Variants in DYNC1LI2 observed in about 807,000 individuals in gnomAD.
DYNC1LI2 encodes dynein cytoplasmic 1 light intermediate chain 2.
DYNC1LI2 carries 19 observed loss-of-function variants against 57.8 expected under a neutral mutation model. The ratio of observed to expected loss-of-function variants is 0.33; its 90% confidence interval spans 0.23 to 0.48. DYNC1LI2 has a LOEUF of 0.48. DYNC1LI2 is among the 20% of genes least tolerant of loss of function. DYNC1LI2 has a pLI of 0.99. For missense variants in DYNC1LI2, 470 were observed against 604.2 expected, an observed-to-expected ratio of 0.78 and a Z score of 2.33; for synonymous variants, 256 against 233.4, an observed-to-expected ratio of 1.10 and a Z score of -0.88.
At chr16:66,738,545 C>A (rs555709600) in intron 4 of DYNC1LI2, among the ~76,000 whole-genome samples, 1 of 152,046 alleles carries the variant, frequency 6.6e-6, no homozygotes, top group African/African-American at 2.4e-5. Flanking sequence ...CCACAGCACC[C>A]GGCCTACAGC....
At chr16:66,727,398 G>T (rs2017555552) in intron 11 of DYNC1LI2, among the ~76,000 whole-genome samples, 1 of 152,108 alleles carries the variant, frequency 6.6e-6, no homozygotes, top group Non-Finnish European at 1.5e-5. Flanking sequence ...AAAAAATAAA[G>T]TTACTATTTT....
intron 11 of DYNC1LI2, among the ~76,000 whole-genome samples, chr16:66,727,200 G>A (rs1213307751): frequency 6.6e-6 from 1 of 152,122 alleles, no homozygotes; most frequent in African/African-American, 2.4e-5. Context: ...TTATAGGCAT[G>A]AGCCACTGCA....
intron 9 of DYNC1LI2, 47 bp from the exon 10 acceptor site, chr16:66,728,289 G>A (rs1490593381): frequency 3.7e-5 from 60 of 1,610,066 alleles, no homozygotes; most frequent in Non-Finnish European, 4.9e-5. Flanking sequence ...CCTGCAGAGA[G>A]CACTGAAGGT....
intron 9 of DYNC1LI2, among the ~76,000 whole-genome samples, 197 bp downstream of exon 9, chr16:66,728,843 G>A (rs1286511129): frequency 6.6e-6 from 1 of 152,214 alleles, no homozygotes; most frequent in Non-Finnish European, 1.5e-5. Flanking sequence ...TGCAAGGCAG[G>A]TAGGTGATCT....
At chr16:66,744,104 C>T (rs1269117428) in intron 3 of DYNC1LI2, among the ~76,000 whole-genome samples, 1 of 152,218 alleles carries the variant, frequency 6.6e-6, no homozygotes, top group Non-Finnish European at 1.5e-5. Flanking sequence ...GCGTCTGAGA[C>T]ACCCAGGCTG....
At position 66,749,201 on chromosome 16, in the gene DYNC1LI2, T is replaced by G; in HGVS notation, c.294A>C (p.Arg98=). 1 of 1,614,144 alleles carries G rather than the reference T, an allele frequency of 6.2e-7. No homozygotes were observed. The highest frequency in any genetic ancestry group is 1.1e-5 in the South Asian group (1 of 91,086). ...YLYLSVHDED[R]DDHTRCNVWI... ...TGGGACCAATGCTTCACTCACCATC[T>G]CGGTCCTCATCATGGACACTGAGGT... The change falls in exon 3 of 13, where the codon CGA becomes CGC. Residue 98 remains arginine, a synonymous_variant. Transcript: ENST00000258198.
intron 9 of DYNC1LI2, among the ~76,000 whole-genome samples, chr16:66,728,491 G>A (rs1235909427): frequency 6.6e-6 from 1 of 152,176 alleles, no homozygotes; most frequent in Admixed American, 6.5e-5. Context: ...GATGGAAAAA[G>A]AAGGAAACAG....
Position 66,751,265 on chromosome 16 carries a change from G to A in DYNC1LI2, c.181+8C>T, listed in dbSNP as rs1356909131. The A allele has an allele frequency of 1.2e-6, 2 of 1,610,318 alleles. No homozygotes were observed. Among genetic ancestry groups the A allele is most frequent in the Non-Finnish European group, 1.7e-6 (2 of 1,178,530 alleles). ...GACCTGGGGCAACGCCCCGCCGCCG[G>A]CGCTCACCGAAGACCAGGATGTTCT... On this transcript the variant is annotated splice_region_variant and intron_variant, in intron 2 of 12. Transcript: ENST00000258198. This position sits in a 1 kb window ranked among gnomAD's most constrained non-coding sequence, Gnocchi z 5.2.
intron 11 of DYNC1LI2, 118 bp from the exon 12 acceptor site, chr16:66,726,062 T>G: frequency 9.7e-7 from 1 of 1,028,716 alleles, no homozygotes; most frequent in Admixed American, 2.3e-5. Flanking sequence ...AGGATATTGA[T>G]AACATTCATT....
intron 4 of DYNC1LI2, among the ~76,000 whole-genome samples, chr16:66,740,228 TAA>T (rs2017812469): frequency 6.6e-6 from 1 of 152,020 alleles, no homozygotes; most frequent in Non-Finnish European, 1.5e-5. Flanking sequence ...AACCTAACCC[TAA>T]AAGAGACTGG....
intron 4 of DYNC1LI2, among the ~76,000 whole-genome samples, chr16:66,741,675 C>T (rs952025784): frequency 1.3e-5 from 2 of 152,038 alleles, no homozygotes; most frequent in African/African-American, 2.4e-5. Context: ...CCGGCCAGGA[C>T]GGCTGCTGCT....
At chr16:66,738,318 G>A (rs145503665) in intron 4 of DYNC1LI2, 32 of 138,306 alleles carry the variant, frequency 2.3e-4, no homozygotes, top group African/African-American at 8.8e-4. Flanking sequence ...GCACAATCTC[G>A]GCTCACTGCA....
chr16:66,736,722 T>C lies in DYNC1LI2; in HGVS notation c.530-478A>G, dbSNP rs576860852. 2.5e-3 allele frequency among the ~76,000 whole-genome samples: 386 copies of C among 152,262 alleles called. 1 individual carries two copies. Among genetic ancestry groups the C allele is most frequent in the Non-Finnish European group, 4.4e-3 (296 of 67,998 alleles). On this transcript the variant is annotated intron_variant, in intron 4 of 12. Coordinates refer to ENST00000258198, the MANE Select transcript of DYNC1LI2 (RefSeq NM_006141.3). ...GTGTTGCCAGGCTGGTCTCAAACTC[T>C]TGGGCTGCAGAGATCCTGCTACCTC...
At chr16:66,727,540 G>A in intron 11 of DYNC1LI2, 148 bp downstream of exon 11, 1 of 700,878 alleles carries the variant, frequency 1.4e-6, no homozygotes, top group Non-Finnish European at 2.3e-6. Context: ...TCTGGAATGG[G>A]GGAAATGGAA....
In DYNC1LI2 at chr16:66,751,312, T is replaced by G. The variant is rs777494141; in HGVS notation, c.142A>C (p.Arg48=). The G allele has an allele frequency of 1.9e-6, 3 of 1,612,208 alleles. No homozygotes were observed. The highest frequency in any genetic ancestry group is 2.5e-6 in the Non-Finnish European group (3 of 1,179,122). Residue 48 remains arginine, a synonymous_variant, in exon 2 of 13, where the codon AGG becomes CGG. Coordinates refer to ENST00000258198, the MANE Select transcript of DYNC1LI2 (RefSeq NM_006141.3). This position sits in a 1 kb window ranked among gnomAD's most constrained non-coding sequence, Gnocchi z 5.2. ...SILSEVSTRA[R]SKLPSGKNIL... ...TTCTTGCCGGACGGCAGCTTGGACC[T>G]GGCGCGGGTGGACACTTCGCTCAGA...
chr16:66,739,857 A>C (rs1045778276), intron 4 of DYNC1LI2, among the ~76,000 whole-genome samples: 3 of 152,246 alleles, frequency 2.0e-5, no homozygotes, highest in Middle Eastern at 3.2e-3. Flanking sequence ...TTGGGTATAC[A>C]CATACTGCAG....
At chr16:66,729,973 G>T (rs1422239279) in intron 8 of DYNC1LI2, 139 bp downstream of exon 8, 2 of 594,232 alleles carry the variant, frequency 3.4e-6, no homozygotes, top group African/African-American at 1.9e-5. Flanking sequence ...TGGAGATGGG[G>T]TTTTGCCATG....
At chr16:66,744,568 T>A (rs1238323240) in intron 3 of DYNC1LI2, among the ~76,000 whole-genome samples, 3 of 152,194 alleles carry the variant, frequency 2.0e-5, no homozygotes, top group Admixed American at 6.5e-5. Flanking sequence ...GGAGTCTCAC[T>A]CTATCACCCA....
intron 3 of DYNC1LI2, among the ~76,000 whole-genome samples, chr16:66,743,413 T>G (rs1189900161): frequency 3.3e-5 from 5 of 151,442 alleles, no homozygotes; most frequent in African/African-American, 1.2e-4. Context: ...ATACAAAATT[T>G]AGCTGGGCAT....
Sources: allele counts gnomAD v4.1 joint callset (sites outside exome capture counted in the v4.1 genomes callset), GRCh38; gene constraint gnomAD v4.1.1; non-coding constraint Gnocchi (gnomAD v3.1); transcripts MANE v1.5; gene names NCBI Gene and HGNC (gene_info 2026-07-23, HGNC 2026-07-21).